MPPED2: variants seen among roughly 807,000 people sequenced by gnomAD.
MPPED2 encodes metallophosphoesterase domain containing 2.
Under a neutral mutation model 33.0 loss-of-function variants are expected in MPPED2, and 5 were observed. The observed-to-expected ratio is 0.15, with a 90% CI of 0.08 to 0.32. The LOEUF is 0.32. MPPED2 is among the 10% of genes least tolerant of loss of function. The pLI is 1.00. For synonymous variants in MPPED2, 136 were observed against 141.9 expected (o/e 0.96, Z 0.29); for missense variants, 275 against 372.1 (o/e 0.74, Z 2.15).
At chr11:30,522,784 G>C (rs1049426185) in intron 3 of MPPED2, among the ~76,000 whole-genome samples, 7 of 152,162 alleles carry the variant, frequency 4.6e-5, no homozygotes, top group Admixed American at 4.6e-4. Context: ...GTGAGAATGT[G>C]TGGAGTGAGC....
At chr11:30,391,658 G>C (rs1947777778) in intron 6 of MPPED2, among the ~76,000 whole-genome samples, 1 of 152,144 alleles carries the variant, frequency 6.6e-6, no homozygotes, top group Non-Finnish European at 1.5e-5. Flanking sequence ...TTGCTTCAAT[G>C]TCTGGCATTT....
At chr11:30,394,565 G>A (rs1475871828) in intron 6 of MPPED2, among the ~76,000 whole-genome samples, 1 of 152,128 alleles carries the variant, frequency 6.6e-6, no homozygotes, top group East Asian at 1.9e-4. Context: ...GCCATCCACA[G>A]ATCCTCTTTG....
chr11:30,385,167 A>C (rs1297434662), exon 7 of MPPED2: 2 of 152,208 alleles, frequency 1.3e-5, no homozygotes, highest in Non-Finnish European at 2.9e-5. Flanking sequence ...AGCCACAGAC[A>C]TGGAAGCCAA....
chr11:30,494,737 C>CAAAAAA (rs767500886), intron 4 of MPPED2, among the ~76,000 whole-genome samples: 232 of 46,946 alleles, frequency 4.9e-3, no homozygotes, highest in Middle Eastern at 0.017. Flanking sequence ...TACTCCACCT[C>CAAAAAA]AAAAAAAAAA....
chr11:30,400,651 A>G (rs1001271943), intron 6 of MPPED2, among the ~76,000 whole-genome samples: 4 of 152,254 alleles, frequency 2.6e-5, no homozygotes, highest in Admixed American at 6.5e-5. Flanking sequence ...TTTAATTCCC[A>G]AAATTTAACA....
intron 3 of MPPED2, among the ~76,000 whole-genome samples, chr11:30,535,730 T>C (rs1243193351): frequency 5.3e-5 from 8 of 152,114 alleles, no homozygotes; most frequent in Non-Finnish European, 1.0e-4. Context: ...TAAAGCAGAA[T>C]GAGTGAGATG....
At chr11:30,541,683 C>G (rs762444165) in intron 2 of MPPED2, among the ~76,000 whole-genome samples, 5 of 152,164 alleles carry the variant, frequency 3.3e-5, no homozygotes, top group Non-Finnish European at 7.3e-5. Flanking sequence ...ACCTCTGCCT[C>G]CTGGGTTCAA....
intron 4 of MPPED2, among the ~76,000 whole-genome samples, chr11:30,485,661 G>A (rs78356253): frequency 6.6e-6 from 1 of 152,292 alleles, no homozygotes; most frequent in African/African-American, 2.4e-5. Context: ...CCTGCCAGAA[G>A]TTTTGTAGCC....
intron 6 of MPPED2, among the ~76,000 whole-genome samples, chr11:30,403,246 CAAA>C (rs757620790): frequency 3.7e-5 from 4 of 107,690 alleles, no homozygotes; most frequent in African/African-American, 4.4e-5. Context: ...GACTCCGTCT[CAAA>C]AAAAAAAAAA....
chr11:30,386,125 A>T (rs1365094914), exon 7 of MPPED2: 2 of 152,252 alleles, frequency 1.3e-5, no homozygotes, highest in African/African-American at 4.8e-5. Context: ...AGTTTGGAAA[A>T]TTCACAAACT....
chr11:30,469,035 C>T (rs892513111), intron 4 of MPPED2: 2 of 152,194 alleles, frequency 1.3e-5, no homozygotes, highest in African/African-American at 4.8e-5. Flanking sequence ...TATTTTTGAT[C>T]CTTACTCATG....
chr11:30,407,393 G>A (rs576858809), downstream of MPPED2, among the ~76,000 whole-genome samples: 8 of 152,230 alleles, frequency 5.3e-5, no homozygotes, highest in Non-Finnish European at 1.0e-4. Flanking sequence ...GAGATTAGAA[G>A]TGATTTTGCA....
At chr11:30,576,997 C>A (rs966506804) in intron 2 of MPPED2, among the ~76,000 whole-genome samples, 9 of 152,152 alleles carry the variant, frequency 5.9e-5, no homozygotes, top group African/African-American at 2.2e-4. Context: ...CTTCTTAAAG[C>A]TGTTTGAAAC....
intron 4 of MPPED2, among the ~76,000 whole-genome samples, chr11:30,424,843 A>G (rs924909569): frequency 7.2e-5 from 11 of 152,138 alleles, no homozygotes; most frequent in African/African-American, 2.4e-4. Flanking sequence ...CACCTTGTGC[A>G]GCAAAGAGAC....
intron 3 of MPPED2, among the ~76,000 whole-genome samples, chr11:30,527,297 T>G (rs1457587785): frequency 1.3e-5 from 2 of 152,106 alleles, no homozygotes; most frequent in Non-Finnish European, 2.9e-5. Context: ...CTAATATTTT[T>G]TATTGTTTCA....
chr11:30,555,487 G>T (rs1955922100), intron 2 of MPPED2, among the ~76,000 whole-genome samples: 1 of 152,150 alleles, frequency 6.6e-6, no homozygotes, highest in Non-Finnish European at 1.5e-5. Context: ...TTTAATCGTA[G>T]CTCCCATAAT....
At chr11:30,391,442 C>A (rs182277803) in intron 6 of MPPED2, among the ~76,000 whole-genome samples, 5 of 152,260 alleles carry the variant, frequency 3.3e-5, no homozygotes, top group Non-Finnish European at 4.4e-5. Context: ...AAGCCATGGT[C>A]TCTGAATGAA....
At chr11:30,438,219 G>A (rs1445195116) in intron 4 of MPPED2, among the ~76,000 whole-genome samples, 1 of 152,194 alleles carries the variant, frequency 6.6e-6, no homozygotes, top group Non-Finnish European at 1.5e-5. Flanking sequence ...GTAAAGGAGA[G>A]AGACTTGAGA....
intron 3 of MPPED2, among the ~76,000 whole-genome samples, chr11:30,506,894 T>C (rs941191479): frequency 2.6e-5 from 4 of 152,166 alleles, no homozygotes; most frequent in African/African-American, 7.2e-5. Flanking sequence ...GAAACCAGAA[T>C]GGAGGGTTGA....
Sources: allele counts gnomAD v4.1 joint callset (sites outside exome capture counted in the v4.1 genomes callset), GRCh38; gene constraint gnomAD v4.1.1; transcripts MANE v1.5; gene names NCBI Gene and HGNC (gene_info 2026-07-23, HGNC 2026-07-21).